ERP44: variants seen among roughly 807,000 people sequenced by gnomAD.
The protein encoded by ERP44 is endoplasmic reticulum protein 44.
In ERP44, 25 loss-of-function variants were observed where a neutral mutation model predicts 53.4. That is an observed-to-expected ratio of 0.47 (90% CI 0.34 to 0.65). ERP44 has a LOEUF of 0.65. ERP44 is among the 30% of genes least tolerant of loss of function. The pLI is 0.01. For synonymous variants in ERP44, 145 were observed against 161.2 expected (o/e 0.90, Z 0.76); for missense variants, 338 against 493.2 (o/e 0.69, Z 2.98).
chr9:99,999,106 G>A (rs1338475008), intron 10 of ERP44: 15 of 650,136 alleles, frequency 2.3e-5, no homozygotes, highest in Middle Eastern at 4.1e-4. Context: ...GCGGCGGGGC[G>A]TGGACACGGC....
At chr9:100,020,590 AAC>A in intron 6 of ERP44, 24 bp downstream of exon 6, 1 of 1,237,638 alleles carries the variant, frequency 8.1e-7, no homozygotes, top group Non-Finnish European at 1.2e-6. Context: ...CCAACCCACT[AAC>A]ACACTTTTAA....
At chr9:100,004,053 G>A (rs1484898235) in intron 10 of ERP44, among the ~76,000 whole-genome samples, 2 of 152,106 alleles carry the variant, frequency 1.3e-5, no homozygotes, top group Non-Finnish European at 2.9e-5. Context: ...TTGCTGGCCT[G>A]GTATCTGAAG....
chr9:100,002,669 C>T (rs184340245), intron 10 of ERP44, among the ~76,000 whole-genome samples: 67 of 152,296 alleles, frequency 4.4e-4, no homozygotes, highest in African/African-American at 1.5e-3. Flanking sequence ...ATTTGCTCTT[C>T]TCTTGCTGCT....
intron 1 of ERP44, among the ~76,000 whole-genome samples, chr9:100,078,091 G>A (rs1826378929): frequency 6.6e-6 from 1 of 152,208 alleles, no homozygotes; most frequent in Non-Finnish European, 1.5e-5. Context: ...CAGAAATGAG[G>A]ACTGTAACTG....
At chr9:100,046,922 G>A (rs1358392142) in intron 4 of ERP44, among the ~76,000 whole-genome samples, 1 of 152,130 alleles carries the variant, frequency 6.6e-6, no homozygotes, top group Non-Finnish European at 1.5e-5. Flanking sequence ...AGCACAAACA[G>A]ATCAACAGTA....
chr9:100,074,315 C>T (rs560254698), intron 1 of ERP44, among the ~76,000 whole-genome samples: 12 of 152,232 alleles, frequency 7.9e-5, no homozygotes, highest in Middle Eastern at 3.4e-3. Flanking sequence ...GTGCCAAAAA[C>T]GTTCAAGACT....
chr9:100,095,236 GAGAAACATAA>G (rs1235359594), intron 1 of ERP44, among the ~76,000 whole-genome samples: 5 of 152,088 alleles, frequency 3.3e-5, no homozygotes, highest in African/African-American at 1.2e-4. Flanking sequence ...ACAAGGAACA[GAGAAACATAA>G]AACCCCACAA....
rs148852231 is a variant in ERP44 at position 100,048,522 on chromosome 9, A to T, written c.286+3895T>A. ...GCAATTCCACTCCTGGATATATATT[A>T]AAAAAAAACTGGGAACTTTCTTTAA... On this transcript the variant is annotated intron_variant, in intron 4 of 11. Transcript: ENST00000262455. 5.7e-4 allele frequency among the ~76,000 whole-genome samples: 87 copies of T among 151,568 alleles called. No homozygotes were observed. The East Asian group carries it at 0.011, about 19-fold the overall frequency.
intron 6 of ERP44, among the ~76,000 whole-genome samples, chr9:100,019,105 T>C (rs1354141318): frequency 1.3e-5 from 2 of 152,028 alleles, no homozygotes; most frequent in Non-Finnish European, 2.9e-5. Context: ...ATGAAGAAAA[T>C]AAGTGGAATA....
rs1826705209 is a variant in ERP44 at position 100,098,950 on chromosome 9, C to T, written c.-110G>A. 1 of 832,526 alleles carries T rather than the reference C, an allele frequency of 1.2e-6. No homozygotes were observed. The highest frequency in any genetic ancestry group is 2.0e-6 in the Non-Finnish European group (1 of 507,992). The allele number at this position is 832,526 out of a possible 1,614,324, so 51.6% of individuals were successfully genotyped here. A position where few individuals can be genotyped will look rare whatever the true frequency, so the allele number is the denominator to read the frequency against. ...CGGGAGCCGACGGCAGCGGAGGATTCTCCAGGCAGCGGCACCTCGTCCTCT... is the reference window on the plus strand; with the variant it reads ...CGGGAGCCGACGGCAGCGGAGGATTTTCCAGGCAGCGGCACCTCGTCCTCT... On this transcript the variant is annotated 5_prime_UTR_variant, in exon 1 of 12. Coordinates refer to ENST00000262455, the MANE Select transcript of ERP44 (RefSeq NM_015051.3).
rs74717044 is a variant in ERP44, at chr9:99,986,680, G to A, written c.1017-1611C>T. Among the ~76,000 whole-genome samples, 317 of 152,100 alleles carry A rather than the reference G, an allele frequency of 2.1e-3. 2 individuals are homozygous for A. Among genetic ancestry groups the A allele is most frequent in the African/African-American group, 7.3e-3 (303 of 41,506 alleles). ...AGATGTACCAACCAATAACTTCATT[G>A]TATACCCATTTTGGCTCCCCACTAG... On this transcript the variant is annotated intron_variant, in intron 10 of 11. Coordinates refer to ENST00000262455, the MANE Select transcript of ERP44 (RefSeq NM_015051.3).
chr9:100,079,035 G>C (rs2118745436), intron 1 of ERP44, among the ~76,000 whole-genome samples: 1 of 152,282 alleles, frequency 6.6e-6, no homozygotes, highest in African/African-American at 2.4e-5. Flanking sequence ...GGTTAACACT[G>C]AGTGTCAACT....
chr9:100,006,861 A>AT (rs923668767), intron 9 of ERP44, among the ~76,000 whole-genome samples: 7 of 152,190 alleles, frequency 4.6e-5, no homozygotes, highest in African/African-American at 1.7e-4. Flanking sequence ...TTTAGAAATC[A>AT]TATTGACTTA....
At chr9:100,058,285 C>T (rs1283043032) in intron 2 of ERP44, among the ~76,000 whole-genome samples, 1 of 152,114 alleles carries the variant, frequency 6.6e-6, no homozygotes, top group Admixed American at 6.6e-5. Context: ...TTATATTGCC[C>T]AGGCTGGTCT....
At chr9:100,005,755 A>G (rs1202396921) in intron 10 of ERP44, among the ~76,000 whole-genome samples, 1 of 152,234 alleles carries the variant, frequency 6.6e-6, no homozygotes, top group Non-Finnish European at 1.5e-5. Context: ...TCATTCTGCC[A>G]TAGGACTACA....
chr9:100,044,394 G>A (rs1038537713), intron 4 of ERP44, among the ~76,000 whole-genome samples: 4 of 151,876 alleles, frequency 2.6e-5, no homozygotes, highest in African/African-American at 9.7e-5. Flanking sequence ...GTTTCCATAG[G>A]CTAGAATATT....
rs1830155986 is a variant in ERP44, at chr9:99,982,361, A to G, written c.*251T>C. ...TTCATTTGATTTATAAAACTTTTAC[A>G]GGACAGATTTAAAGTGGAGATAGGC... is the stretch of plus-strand genomic sequence containing the variant. On this transcript the variant is annotated 3_prime_UTR_variant, in exon 12 of 12. Coordinates refer to ENST00000262455, the MANE Select transcript of ERP44 (RefSeq NM_015051.3). The G allele has an allele frequency of 4.9e-6, 1 of 203,170 alleles. No individual in the cohort carries two copies. Among genetic ancestry groups the G allele is most frequent in the Non-Finnish European group, 9.7e-6 (1 of 102,962 alleles). The allele number at this position is 203,170 out of a possible 1,614,324, so 12.6% of individuals were successfully genotyped here.
chr9:100,010,541 G>A (rs147788852), intron 8 of ERP44, among the ~76,000 whole-genome samples: 10 of 152,240 alleles, frequency 6.6e-5, no homozygotes, highest in African/African-American at 1.9e-4. Context: ...CTAAATGAGT[G>A]AATGCAAATT....
At chr9:100,029,215 G>A (rs79505835) in intron 4 of ERP44, among the ~76,000 whole-genome samples, 1,567 of 152,118 alleles carry the variant, frequency 0.01, 14 homozygotes, top group Admixed American at 0.016. Flanking sequence ...AGCTTCTGTA[G>A]GGCAAGGGAA....
Sources: allele counts gnomAD v4.1 joint callset (sites outside exome capture counted in the v4.1 genomes callset), GRCh38; gene constraint gnomAD v4.1.1; transcripts MANE v1.5; gene names NCBI Gene and HGNC (gene_info 2026-07-23, HGNC 2026-07-21).